Variants in MMP26 observed in about 807,000 individuals in gnomAD.
MMP26 encodes matrix metallopeptidase 26.
In MMP26, 33 loss-of-function variants were observed where a neutral mutation model predicts 31.0. The ratio of observed to expected loss-of-function variants is 1.06; its 90% CI spans 0.81 to 1.42. The LOEUF is 1.42. Among genes scored for constraint, MMP26 ranks in the 40% most tolerant of loss-of-function variants. The pLI is 0.00. For synonymous variants in MMP26, 122 were observed against 114.9 expected, an observed-to-expected ratio of 1.06 and a Z score of -0.40; for missense variants, 347 against 316.1, an observed-to-expected ratio of 1.10 and a Z score of -0.74.
chr11:4,778,610 T>C (rs989428083), intron 2 of MMP26, among the ~76,000 whole-genome samples: 7 of 152,040 alleles, frequency 4.6e-5, no homozygotes, highest in African/African-American at 1.7e-4. Context: ...TCTATATACT[T>C]CACATTTTCA....
intron 2 of MMP26, among the ~76,000 whole-genome samples, chr11:4,931,769 A>T (rs973247756): frequency 1.3e-5 from 2 of 152,050 alleles, no homozygotes; most frequent in African/African-American, 4.8e-5. Flanking sequence ...TTAAGTTTTG[A>T]TAGAGAGAAA....
At chr11:4,832,105 G>A (rs1161980840) in intron 2 of MMP26, 1 of 152,382 alleles carries the variant, frequency 6.6e-6, no homozygotes, top group East Asian at 1.9e-4. Context: ...TTAGACCCAC[G>A]AGTGGATAAG....
chr11:4,710,753 G>T (rs7111878), intron 1 of MMP26: 9,289 of 218,620 alleles, frequency 0.042, 893 homozygotes, highest in African/African-American at 0.2. Context: ...TAGGACCACA[G>T]TTAAAATATG....
At chr11:4,843,587 C>T (rs954755658) in intron 2 of MMP26, among the ~76,000 whole-genome samples, 2 of 152,230 alleles carry the variant, frequency 1.3e-5, no homozygotes, top group Non-Finnish European at 2.9e-5. Context: ...TCAATGGGGC[C>T]CTGGGCCTGG....
intron 1 of MMP26, among the ~76,000 whole-genome samples, chr11:4,744,118 A>G (rs1312922622): frequency 6.6e-6 from 1 of 152,032 alleles, no homozygotes. Context: ...CTTACTCCCC[A>G]TGTCTATTTC....
chr11:4,723,513 G>A lies in MMP26; in HGVS notation c.-217+18468G>A, dbSNP rs766827391. 44 of 1,180,942 alleles carry A rather than the reference G, an allele frequency of 3.7e-5. 1 individual carries two copies. The Middle Eastern group carries it at 9.3e-4, about 25-fold the overall frequency. 73.2% of individuals were successfully genotyped at this position (1,180,942 alleles called of 1,614,324 possible). On this transcript the variant is annotated intron_variant, in intron 1 of 7. Transcript: ENST00000380390. ...GGATCTCCTCTTCATACAGCTGCCT[G>A]AGGAAGTTGATCTCGTCAGTCAGCC...
At chr11:4,773,908 C>A (rs899041478) in intron 2 of MMP26, among the ~76,000 whole-genome samples, 1 of 152,108 alleles carries the variant, frequency 6.6e-6, no homozygotes, top group African/African-American at 2.4e-5. Context: ...TCTGTTCCTG[C>A]ATGAGTTTGC....
At chr11:4,740,343 A>G (rs896821801) in intron 1 of MMP26, among the ~76,000 whole-genome samples, 1 of 152,170 alleles carries the variant, frequency 6.6e-6, no homozygotes, top group African/African-American at 2.4e-5. Context: ...ATATTAAAAA[A>G]CGGTGGTCAT....
intron 2 of MMP26, among the ~76,000 whole-genome samples, chr11:4,835,454 C>T (rs142810440): frequency 2.5e-4 from 38 of 152,050 alleles, no homozygotes; most frequent in Non-Finnish European, 4.3e-4. Flanking sequence ...GTCAAGTTAA[C>T]GTGATTTGCA....
chr11:4,839,910 T>C (rs750850544), intron 2 of MMP26, among the ~76,000 whole-genome samples: 48 of 151,836 alleles, frequency 3.2e-4, no homozygotes, highest in Non-Finnish European at 5.9e-4. Context: ...TTGGATGGCA[T>C]TTCTGGAACT....
intron 2 of MMP26, among the ~76,000 whole-genome samples, chr11:4,964,420 G>A (rs1846562748): frequency 6.6e-6 from 1 of 152,078 alleles, no homozygotes; most frequent in Non-Finnish European, 1.5e-5. Context: ...TCAGATGGTT[G>A]TAGGTATATG....
chr11:4,722,470 C>CTTT lies in MMP26; in HGVS notation c.-217+17445_-217+17447dup, dbSNP rs60627073. On this transcript the variant is annotated intron_variant, in intron 1 of 7. Coordinates refer to ENST00000380390, the MANE Select transcript of MMP26 (RefSeq NM_021801.5). ...CACCACCTAAGGCGTGAAGTAATTA[C>CTTT]TTTTTTTTTTTTTTTTTTTTTTGGC... Among the ~76,000 whole-genome samples, 624 of 63,964 alleles carry CTTT rather than the reference C, an allele frequency of 9.8e-3. 5 individuals carry two copies. The highest frequency in any genetic ancestry group is 0.026 in the Middle Eastern group (2 of 78). The allele number at this position is 63,964 out of a possible 152,430, so 42.0% of individuals were successfully genotyped here. A position where few individuals can be genotyped will look rare whatever the true frequency, so the allele number is the denominator to read the frequency against.
intron 2 of MMP26, among the ~76,000 whole-genome samples, chr11:4,820,897 G>A (rs1159156333): frequency 6.6e-6 from 1 of 151,934 alleles, no homozygotes; most frequent in African/African-American, 2.4e-5. Context: ...TTCTTAGGGT[G>A]TTTTTTTGGG....
intron 2 of MMP26, among the ~76,000 whole-genome samples, chr11:4,976,811 ATTC>A (rs1846743651): frequency 6.6e-6 from 1 of 152,020 alleles, no homozygotes; most frequent in Admixed American, 6.6e-5. Flanking sequence ...TATGAGACCT[ATTC>A]TTCTTTATTC....
At chr11:4,929,866 G>T (rs1254617482) in intron 2 of MMP26, among the ~76,000 whole-genome samples, 1 of 151,964 alleles carries the variant, frequency 6.6e-6, no homozygotes, top group Admixed American at 6.6e-5. Context: ...TTTTAATTCA[G>T]TTAAGAAGTT....
At chr11:4,803,076 A>C (rs1352390440) in intron 2 of MMP26, among the ~76,000 whole-genome samples, 1 of 152,220 alleles carries the variant, frequency 6.6e-6, no homozygotes, top group Non-Finnish European at 1.5e-5. Context: ...ATTTCTTTTA[A>C]GCAAAGTGTA....
intron 2 of MMP26, among the ~76,000 whole-genome samples, chr11:4,833,429 C>A (rs2133482582): frequency 6.6e-6 from 1 of 152,256 alleles, no homozygotes; most frequent in South Asian, 2.1e-4. Context: ...CTACAAAATT[C>A]TGGTACTATT....
chr11:4,871,195 A>G (rs1850305700), intron 2 of MMP26, among the ~76,000 whole-genome samples: 1 of 152,068 alleles, frequency 6.6e-6, no homozygotes, highest in Non-Finnish European at 1.5e-5. Context: ...ATTATTGGTG[A>G]CATCTGCACA....
In MMP26 at chr11:4,991,504, C is replaced by T; in HGVS notation, c.595+8C>T. On this transcript the variant is annotated splice_region_variant and intron_variant, in intron 6 of 7. Transcript: ENST00000380390. ...GGTCAGCTTCAGACACTGGTAAATG[C>T]CTTGTTTGGTGGGATCGCTAGAACT... 2 of 1,612,356 alleles carry T rather than the reference C, an allele frequency of 1.2e-6. No homozygotes were observed. The highest frequency in any genetic ancestry group is 1.1e-5 in the South Asian group (1 of 90,816).
Sources: gnomAD v4.1 joint callset for allele counts (sites outside exome capture counted in the v4.1 genomes callset) on GRCh38, gnomAD v4.1.1 for gene constraint, MANE v1.5 for transcripts, NCBI Gene and HGNC (gene_info 2026-07-23, HGNC 2026-07-21) for gene names.